NCKAP5: variants seen among roughly 807,000 people sequenced by gnomAD.
NCKAP5 encodes nck-associated protein 5.
A neutral mutation model predicts 167.0 loss-of-function variants in NCKAP5; 92 were observed. That is an observed-to-expected ratio of 0.55 (90% CI 0.47 to 0.66). NCKAP5 has a LOEUF of 0.66. NCKAP5 is among the 30% of genes least tolerant of loss of function. NCKAP5 has a pLI of 0.00. For missense variants in NCKAP5, 2,378 were observed against 2,315.0 expected, an observed-to-expected ratio of 1.03 and a Z score of -0.56; for synonymous variants, 891 against 877.4, an observed-to-expected ratio of 1.02 and a Z score of -0.27.
chr2:133,608,618 A>C, the NCKAP5 span, among the ~76,000 whole-genome samples: 1 of 152,228 alleles, frequency 6.6e-6, no homozygotes, highest in Non-Finnish European at 1.5e-5. Context: ...TCTAGGTAAA[A>C]TAGAGATAAC....
chr2:133,439,894 T>C (rs891731959), intron 3 of NCKAP5, among the ~76,000 whole-genome samples: 2 of 152,212 alleles, frequency 1.3e-5, no homozygotes, highest in Non-Finnish European at 2.9e-5. Context: ...ACAATTACTC[T>C]GAAGATTTTA....
intron 6 of NCKAP5, among the ~76,000 whole-genome samples, chr2:133,129,369 G>T (rs2082517589): frequency 6.6e-6 from 1 of 152,000 alleles, no homozygotes; most frequent in South Asian, 2.1e-4. Context: ...CCTTGTGATA[G>T]TTTGCTGAGA....
At chr2:133,461,719 A>G (rs1483039653) in intron 3 of NCKAP5, among the ~76,000 whole-genome samples, 1 of 152,228 alleles carries the variant, frequency 6.6e-6, no homozygotes, top group African/African-American at 2.4e-5. Context: ...CTGATGACAC[A>G]GCCTCACCTG....
At chr2:132,731,313 A>G (rs1333068138) in intron 17 of NCKAP5, among the ~76,000 whole-genome samples, 1 of 152,216 alleles carries the variant, frequency 6.6e-6, no homozygotes. Flanking sequence ...TTATAGTTCA[A>G]CATATAAAGA....
Position 132,858,546 on chromosome 2 carries a change from A to T in NCKAP5, c.807+1946T>A, listed in dbSNP as rs1689643793. ...CCATGAGTGAAATAATTAACACACC[A>T]TCTGAAAAGCCAGTCATGTCCTCTG... is the stretch of plus-strand genomic sequence containing the variant. On this transcript the variant is annotated intron_variant, in intron 11 of 19. Coordinates refer to ENST00000409261, the MANE Select transcript of NCKAP5 (RefSeq NM_207363.3). 1.3e-5 allele frequency among the ~76,000 whole-genome samples: 2 copies of T among 152,174 alleles called. 1 individual carries two copies. The highest frequency in any genetic ancestry group is 1.3e-4 in the Admixed American group (2 of 15,280).
rs977286188 is a variant in NCKAP5, at chr2:133,439,610, T to C, written c.69+77848A>G. On this transcript the variant is annotated intron_variant, in intron 3 of 19. Transcript: ENST00000409261. ...CAAAGTAAACATACAAATGTACATATGAATATACATACATGGAAATAATAA... is the reference window on the plus strand; with the variant it reads ...CAAAGTAAACATACAAATGTACATACGAATATACATACATGGAAATAATAA... Among the ~76,000 whole-genome samples, 9 of 152,306 alleles carry C rather than the reference T, an allele frequency of 5.9e-5. No individual in the cohort carries two copies. In the East Asian group the frequency reaches 1.7e-3, roughly 29 times the overall value.
intron 19 of NCKAP5, among the ~76,000 whole-genome samples, chr2:132,718,000 A>G (rs1015345979): frequency 6.6e-6 from 1 of 152,216 alleles, no homozygotes; most frequent in African/African-American, 2.4e-5. Context: ...AAAAAGAACT[A>G]GGAATTCTGG....
chr2:132,943,925 C>T (rs1697495350), intron 8 of NCKAP5, among the ~76,000 whole-genome samples: 2 of 152,200 alleles, frequency 1.3e-5, no homozygotes, highest in African/African-American at 2.4e-5. Context: ...TGTGACCGCA[C>T]ACTTGGTCTG....
intron 11 of NCKAP5, among the ~76,000 whole-genome samples, chr2:132,852,884 C>T (rs1004214662): frequency 1.3e-5 from 2 of 152,204 alleles, no homozygotes; most frequent in African/African-American, 4.8e-5. Flanking sequence ...TACTACTCTA[C>T]TGCACAACTG....
intron 4 of NCKAP5, among the ~76,000 whole-genome samples, chr2:133,219,847 G>A (rs1022349472): frequency 1.3e-5 from 2 of 152,074 alleles, no homozygotes; most frequent in African/African-American, 4.8e-5. Flanking sequence ...AGTATTTCTA[G>A]ATGTTATTTC....
chr2:133,125,646 C>A (rs2149779313), intron 6 of NCKAP5, among the ~76,000 whole-genome samples: 1 of 152,302 alleles, frequency 6.6e-6, no homozygotes, highest in Middle Eastern at 3.4e-3. Context: ...AAGATATCAC[C>A]ACCTGCCTCT....
chr2:133,089,650 T>C (rs896349225), intron 6 of NCKAP5, among the ~76,000 whole-genome samples: 2 of 152,230 alleles, frequency 1.3e-5, no homozygotes, highest in East Asian at 1.9e-4. Context: ...GGAAAACATA[T>C]CTTGTGTCTA....
At chr2:133,488,430 A>C (rs1681109655) in intron 3 of NCKAP5, among the ~76,000 whole-genome samples, 1 of 152,208 alleles carries the variant, frequency 6.6e-6, no homozygotes, top group South Asian at 2.1e-4. Flanking sequence ...AATGTAGACC[A>C]ATTAGTGAGT....
At chr2:132,871,201 A>C (rs1690785506) in intron 9 of NCKAP5, among the ~76,000 whole-genome samples, 1 of 152,200 alleles carries the variant, frequency 6.6e-6, no homozygotes, top group African/African-American at 2.4e-5. Flanking sequence ...CAACCCACAC[A>C]AATTGACCAA....
chr2:133,488,257 C>T (rs1681086907), intron 3 of NCKAP5, among the ~76,000 whole-genome samples: 1 of 152,036 alleles, frequency 6.6e-6, no homozygotes, highest in Admixed American at 6.5e-5. Context: ...GTCCCTTGAC[C>T]TCCTGAATCA....
At chr2:133,550,101 A>G (rs1687149505) in intron 2 of NCKAP5, among the ~76,000 whole-genome samples, 2 of 150,474 alleles carry the variant, frequency 1.3e-5, no homozygotes, top group Non-Finnish European at 3.0e-5. Context: ...TGTGGCAATA[A>G]TCAATAGTTT....
intron 6 of NCKAP5, among the ~76,000 whole-genome samples, chr2:132,996,375 T>A (rs2077599906): frequency 6.6e-6 from 1 of 152,214 alleles, no homozygotes; most frequent in Non-Finnish European, 1.5e-5. Flanking sequence ...TGATTCCCCA[T>A]TAGCTCAAAG....
intron 7 of NCKAP5, among the ~76,000 whole-genome samples, chr2:132,969,087 G>T (rs1471200788): frequency 1.3e-5 from 2 of 152,062 alleles, no homozygotes; most frequent in East Asian, 3.9e-4. Context: ...GCCCAGGCTG[G>T]GGTGCAGTGG....
chr2:133,037,659 A>G (rs1179320612), intron 6 of NCKAP5, among the ~76,000 whole-genome samples: 2 of 152,204 alleles, frequency 1.3e-5, no homozygotes, highest in Non-Finnish European at 2.9e-5. Flanking sequence ...AAAATGGATT[A>G]GAGACAAAAC....
Sources: gnomAD v4.1 joint callset for allele counts (sites outside exome capture counted in the v4.1 genomes callset) on GRCh38, gnomAD v4.1.1 for gene constraint, MANE v1.5 for transcripts, NCBI Gene and HGNC (gene_info 2026-07-23, HGNC 2026-07-21) for gene names.